MND1: variants seen among roughly 807,000 people sequenced by gnomAD.
MND1 encodes meiotic nuclear division protein 1 homolog.
Under a neutral mutation model 35.1 loss-of-function variants are expected in MND1, and 28 were observed. That is an observed-to-expected ratio of 0.80 (90% CI 0.59 to 1.09). The LOEUF is 1.09. MND1 is among the 50% of genes least tolerant of loss of function. The pLI is 0.00. For missense variants in MND1, 213 were observed against 239.6 expected (o/e 0.89, Z 0.73); for synonymous variants, 69 against 70.5 (o/e 0.98, Z 0.11).
intron 3 of MND1, among the ~76,000 whole-genome samples, chr4:153,356,876 C>T (rs532044206): frequency 1.3e-5 from 2 of 151,934 alleles, no homozygotes; most frequent in East Asian, 3.9e-4. Context: ...AGGCTGGAGC[C>T]CAGTGGTGCA....
At chr4:153,376,544 G>A (rs552666927) in intron 4 of MND1, among the ~76,000 whole-genome samples, 2 of 152,230 alleles carry the variant, frequency 1.3e-5, no homozygotes, top group East Asian at 3.9e-4. Flanking sequence ...GTACTGTGAT[G>A]TGCACACAGC....
intron 4 of MND1, among the ~76,000 whole-genome samples, chr4:153,375,837 T>A (rs1419340571): frequency 6.6e-6 from 1 of 152,216 alleles, no homozygotes; most frequent in Non-Finnish European, 1.5e-5. Flanking sequence ...TGTAGTGATT[T>A]ATTTCTGAAA....
intron 4 of MND1, among the ~76,000 whole-genome samples, chr4:153,370,946 A>C (rs1482767329): frequency 6.6e-6 from 1 of 152,116 alleles, no homozygotes; most frequent in Non-Finnish European, 1.5e-5. Flanking sequence ...CTTAAATAAT[A>C]AAACTTGAAA....
chr4:153,377,743 G>T (rs1044209895), intron 4 of MND1, among the ~76,000 whole-genome samples: 1 of 152,158 alleles, frequency 6.6e-6, no homozygotes, highest in Admixed American at 6.5e-5. Flanking sequence ...GCACTATAGC[G>T]CAGTGATTTA....
At chr4:153,384,160 C>G (rs1728783627) in intron 4 of MND1, among the ~76,000 whole-genome samples, 1 of 150,758 alleles carries the variant, frequency 6.6e-6, no homozygotes, top group Non-Finnish European at 1.5e-5. Flanking sequence ...TATCTCTTAA[C>G]TACTTCTTAA....
At chr4:153,345,434 G>C in intron 1 of MND1, 1 of 985,480 alleles carries the variant, frequency 1.0e-6, no homozygotes, top group East Asian at 1.1e-4. Context: ...GGTTGTGTAG[G>C]GCGCTGTTGC....
chr4:153,355,820 G>A (rs950873063), intron 3 of MND1, 109 bp downstream of exon 3: 2 of 710,112 alleles, frequency 2.8e-6, no homozygotes, highest in Non-Finnish European at 4.8e-6. Context: ...TTCACTTTAT[G>A]GAAAACCTAA....
chr4:153,362,455 AT>A (rs894677571), intron 4 of MND1, among the ~76,000 whole-genome samples: 3 of 152,156 alleles, frequency 2.0e-5, no homozygotes, highest in African/African-American at 7.2e-5. Flanking sequence ...GCCATGTAAA[AT>A]GCCTGCTCGC....
At chr4:153,391,724 T>C (rs1729039397) in intron 4 of MND1, among the ~76,000 whole-genome samples, 1 of 58,852 alleles carries the variant, frequency 1.7e-5, no homozygotes, top group East Asian at 4.0e-4. Flanking sequence ...TGAAACTCCA[T>C]CATACACACA....
chr4:153,404,667 C>T (rs1325040867), intron 6 of MND1, among the ~76,000 whole-genome samples: 1 of 150,708 alleles, frequency 6.6e-6, no homozygotes, highest in African/African-American at 2.4e-5. Flanking sequence ...TTAGTAGAAA[C>T]GGGGTTTCGC....
chr4:153,373,659 GAC>G (rs1046570663), intron 4 of MND1, among the ~76,000 whole-genome samples: 3 of 152,110 alleles, frequency 2.0e-5, no homozygotes, highest in African/African-American at 7.2e-5. Context: ...AGCTTAATCT[GAC>G]ACACCTGCTC....
intron 4 of MND1, among the ~76,000 whole-genome samples, chr4:153,363,805 C>T (rs1029491796): frequency 1.3e-5 from 2 of 152,112 alleles, no homozygotes; most frequent in Admixed American, 6.5e-5. Context: ...TTTCTGAAGA[C>T]AGTATGAAGA....
chr4:153,385,025 G>A (rs868283670), intron 4 of MND1, among the ~76,000 whole-genome samples: 4 of 152,122 alleles, frequency 2.6e-5, no homozygotes, highest in Non-Finnish European at 5.9e-5. Context: ...CAAACATCCA[G>A]TACTCACTAC....
At chr4:153,398,289 A>G (rs1487099234) in intron 6 of MND1, among the ~76,000 whole-genome samples, 1 of 152,202 alleles carries the variant, frequency 6.6e-6, no homozygotes, top group Non-Finnish European at 1.5e-5. Flanking sequence ...CCTGTCTTTT[A>G]TTTAGGAAAC....
chr4:153,363,117 A>T, intron 4 of MND1: 1 of 565,664 alleles, frequency 1.8e-6, no homozygotes, highest in Non-Finnish European at 2.2e-6. Flanking sequence ...ATGACCCTTC[A>T]CACCTGTTTT....
At chr4:153,388,406 G>A (rs1373250051) in intron 4 of MND1, among the ~76,000 whole-genome samples, 2 of 152,150 alleles carry the variant, frequency 1.3e-5, no homozygotes, top group Admixed American at 1.3e-4. Flanking sequence ...AGGATTGCCT[G>A]AACCCTGCAT....
intron 6 of MND1, among the ~76,000 whole-genome samples, chr4:153,403,082 G>A (rs1468537802): frequency 6.6e-6 from 1 of 152,088 alleles, no homozygotes; most frequent in Non-Finnish European, 1.5e-5. Flanking sequence ...ACTGCAGTGA[G>A]CCATGATCGT....
chr4:153,360,885 T>G (rs62324664), intron 4 of MND1, among the ~76,000 whole-genome samples: 47,794 of 151,822 alleles, frequency 0.31, 8,991 homozygotes, highest in African/African-American at 0.53. Flanking sequence ...TGTCACCCAG[T>G]CTGGAGTGTA....
intron 6 of MND1, among the ~76,000 whole-genome samples, chr4:153,399,194 C>G (rs990177614): frequency 1.3e-5 from 2 of 152,120 alleles, no homozygotes; most frequent in African/African-American, 4.8e-5. Flanking sequence ...TGTGCTACCT[C>G]TTTGCTTACC....
Sources: allele counts gnomAD v4.1 joint callset (sites outside exome capture counted in the v4.1 genomes callset), GRCh38; gene constraint gnomAD v4.1.1; transcripts MANE v1.5; gene names NCBI Gene and HGNC (gene_info 2026-07-23, HGNC 2026-07-21).